ACVR1B: variants seen among roughly 807,000 people sequenced by gnomAD.
The protein encoded by ACVR1B is activin receptor type-1B.
A neutral mutation model predicts 55.6 loss-of-function variants in ACVR1B; 15 were observed. The observed-to-expected ratio is 0.27, with a 90% CI of 0.18 to 0.42. The LOEUF (loss-of-function observed/expected upper bound fraction) is 0.42, where lower values mean the gene tolerates loss of function less well. ACVR1B is among the 10% of genes least tolerant of loss of function. The pLI is 1.00. For missense variants in ACVR1B, 359 were observed against 670.1 expected, an observed-to-expected ratio of 0.54 and a Z score of 5.13; for synonymous variants, 247 against 254.6, an observed-to-expected ratio of 0.97 and a Z score of 0.28.
intron 1 of ACVR1B, among the ~76,000 whole-genome samples, chr12:51,965,546 G>C (rs1941623080): frequency 6.6e-6 from 1 of 152,178 alleles, no homozygotes; most frequent in Non-Finnish European, 1.5e-5. Context: ...GGAGATATTA[G>C]AGTACAGACC....
chr12:51,986,491 C>T (rs1470001377), intron 6 of ACVR1B, among the ~76,000 whole-genome samples: 5 of 152,172 alleles, frequency 3.3e-5, no homozygotes, highest in Non-Finnish European at 5.9e-5. Context: ...AACTCCTGCC[C>T]TCAGGTGATC....
intron 3 of ACVR1B, among the ~76,000 whole-genome samples, chr12:51,977,532 A>G (rs1318080364): frequency 2.0e-5 from 3 of 151,676 alleles, no homozygotes; most frequent in Admixed American, 6.6e-5. Context: ...CTTGACCTCA[A>G]GTGATCCGCC....
At chr12:51,983,352 G>A (rs1942015953) in intron 4 of ACVR1B, among the ~76,000 whole-genome samples, 1 of 152,216 alleles carries the variant, frequency 6.6e-6, no homozygotes, top group East Asian at 1.9e-4. Flanking sequence ...AGGATGAGAT[G>A]CCTTTCTGGG....
At chr12:51,987,000 A>G (rs1455773854) in intron 7 of ACVR1B, 58 bp downstream of exon 7, 3 of 1,613,406 alleles carry the variant, frequency 1.9e-6, no homozygotes, top group Admixed American at 3.3e-5. Flanking sequence ...GGATCACCCA[A>G]AGCTGTTTTA....
intron 7 of ACVR1B, chr12:51,987,358 G>T: frequency 4.2e-6 from 2 of 479,102 alleles, no homozygotes; most frequent in South Asian, 4.2e-5. Context: ...AAATAATAGT[G>T]CTAATTTCTA....
chr12:51,980,974 C>G lies in ACVR1B; in HGVS notation c.586C>G (p.Pro196Ala). ...TCCTATTCTTTGGTTCACAGGGTTA[C>G]CCCTCTTTGTCCAGCGCACAGTGGC... Reference protein sequence around the residue: ...LSTSGSGSGLPLFVQRTVART... With the variant: ...LSTSGSGSGLALFVQRTVART... The change falls in exon 4 of 9, where the codon CCC (proline) becomes GCC (alanine). Residue 196 changes from proline (P) to alanine (A), a missense_variant. By Grantham distance (27) the Pro-to-Ala change is conservative (BLOSUM62 -1). Transcript: ENST00000257963. 1 of 1,604,694 alleles carries G rather than the reference C, an allele frequency of 6.2e-7. No individual in the cohort carries two copies. Among genetic ancestry groups the G allele is most frequent in the Non-Finnish European group, 8.5e-7 (1 of 1,174,188 alleles).
chr12:51,972,768 T>C (rs768327768), intron 1 of ACVR1B, among the ~76,000 whole-genome samples: 1 of 152,196 alleles, frequency 6.6e-6, no homozygotes, highest in Non-Finnish European at 1.5e-5. Context: ...ATCTTTAAAA[T>C]ATATCTTTTT....
chr12:51,963,589 A>T (rs946630017), intron 1 of ACVR1B, among the ~76,000 whole-genome samples: 2 of 152,194 alleles, frequency 1.3e-5, no homozygotes, highest in Admixed American at 1.3e-4. Context: ...ATGTAATATA[A>T]TGTTTTTGAG....
chr12:51,953,564 A>T, intron 1 of ACVR1B: 1 of 974,986 alleles, frequency 1.0e-6, no homozygotes, highest in Non-Finnish European at 1.2e-6. Flanking sequence ...TGTTTTTGGA[A>T]TGTGTAACAT....
intron 5 of ACVR1B, 30 bp from the exon 6 acceptor site, chr12:51,985,162 T>C: frequency 6.3e-7 from 1 of 1,589,296 alleles, no homozygotes; most frequent in Middle Eastern, 1.7e-4. Flanking sequence ...ATCATCTCTT[T>C]GTAAAGATCC....
At chr12:51,977,981 A>C (rs1420264748) in intron 3 of ACVR1B, among the ~76,000 whole-genome samples, 2 of 152,026 alleles carry the variant, frequency 1.3e-5, no homozygotes, top group African/African-American at 4.8e-5. Context: ...GACGTGGGAC[A>C]AGACTGTTGT....
rs528856047 is a variant in ACVR1B, at chr12:51,953,956, T to G, written c.91+2122T>G. On this transcript the variant is annotated intron_variant, in intron 1 of 8. Coordinates refer to ENST00000257963, the MANE Select transcript of ACVR1B (RefSeq NM_004302.5). The stretch of plus-strand genomic sequence containing the variant: ...CAAACATTCTCCAGGGCCTTTAAAC[T>G]TCTTGGCCAGACACTACAGTTTTTT... 7.8e-4 allele frequency among the ~76,000 whole-genome samples: 119 copies of G among 152,320 alleles called. 1 individual carries two copies. Among genetic ancestry groups the G allele is most frequent in the African/African-American group, 2.8e-3 (115 of 41,566 alleles).
At chr12:51,954,374 C>A (rs924093505) in intron 1 of ACVR1B, among the ~76,000 whole-genome samples, 1 of 152,204 alleles carries the variant, frequency 6.6e-6, no homozygotes, top group African/African-American at 2.4e-5. Context: ...GAGTTAGTAG[C>A]AGGAGAACAT....
intron 8 of ACVR1B, among the ~76,000 whole-genome samples, chr12:51,993,465 C>T (rs1942233133): frequency 6.6e-6 from 1 of 152,068 alleles, no homozygotes; most frequent in Admixed American, 6.6e-5. Context: ...TGTAAGCTGT[C>T]CCTTAAAAAG....
At chr12:51,966,805 CACTG>C (rs1379901879) in intron 1 of ACVR1B, among the ~76,000 whole-genome samples, 1 of 152,100 alleles carries the variant, frequency 6.6e-6, no homozygotes, top group Non-Finnish European at 1.5e-5. Context: ...GATTTTTGAA[CACTG>C]ACTGGATATT....
At chr12:51,969,330 A>G (rs1941701133) in intron 1 of ACVR1B, among the ~76,000 whole-genome samples, 1 of 152,204 alleles carries the variant, frequency 6.6e-6, no homozygotes, top group Non-Finnish European at 1.5e-5. Flanking sequence ...GCAGATGTTT[A>G]GTGTGGACCT....
intron 1 of ACVR1B, among the ~76,000 whole-genome samples, chr12:51,956,067 G>A (rs1204857199): frequency 1.3e-5 from 2 of 152,226 alleles, no homozygotes; most frequent in South Asian, 2.1e-4. Flanking sequence ...TGATTTCAGA[G>A]AGTATCTTTC....
chr12:51,983,972 C>G (rs375438700), intron 4 of ACVR1B, 27 bp from the exon 5 acceptor site: 5 of 1,612,778 alleles, frequency 3.1e-6, no homozygotes, highest in Non-Finnish European at 4.2e-6. Flanking sequence ...TACACTTTTT[C>G]TGGGACTCAT....
chr12:51,972,378 A>AT (rs1201185786), intron 1 of ACVR1B, among the ~76,000 whole-genome samples: 1 of 152,302 alleles, frequency 6.6e-6, no homozygotes, highest in Middle Eastern at 3.4e-3. Flanking sequence ...ATAATGCTGT[A>AT]TTTTTACTTC....
Sources: gnomAD v4.1 joint callset for allele counts (sites outside exome capture counted in the v4.1 genomes callset) on GRCh38, gnomAD v4.1.1 for gene constraint, MANE v1.5 for transcripts, NCBI Gene and HGNC (gene_info 2026-07-23, HGNC 2026-07-21) for gene names.